The following SLIT3 variants were observed in gnomAD, a reference collection of about 807,000 sequenced individuals.
The protein encoded by SLIT3 is slit homolog 3 protein.
SLIT3 carries 68 observed loss-of-function variants against 184.0 expected under a neutral mutation model. The observed-to-expected ratio is 0.37, with a 90% CI of 0.30 to 0.45. SLIT3 has a LOEUF of 0.45. SLIT3 is among the 20% of genes least tolerant of loss of function. The probability of loss-of-function intolerance (pLI) is 1.00; values close to 1 mark genes in which losing one functional copy is unlikely to be tolerated. For missense variants in SLIT3, 1,707 were observed against 2,026.0 expected, an observed-to-expected ratio of 0.84 and a Z score of 3.02; for synonymous variants, 831 against 828.6, an observed-to-expected ratio of 1.00 and a Z score of -0.05.
intron 3 of SLIT3, among the ~76,000 whole-genome samples, chr5:169,201,134 G>T (rs559719281): frequency 7.4e-4 from 113 of 152,260 alleles, no homozygotes; most frequent in Non-Finnish European, 1.4e-3. Flanking sequence ...GTCTTCCATG[G>T]TATTCAGTAT....
At chr5:168,884,732 T>TA (rs1760127133) in intron 4 of SLIT3, among the ~76,000 whole-genome samples, 1 of 151,788 alleles carries the variant, frequency 6.6e-6, no homozygotes, top group Non-Finnish European at 1.5e-5. Flanking sequence ...TGAGTGGCTA[T>TA]ATGGGTCCCA....
rs577957746 is a variant in SLIT3 at position 168,789,313 on chromosome 5, A to T, written c.1079+247T>A. 7.2e-5 allele frequency among the ~76,000 whole-genome samples: 11 copies of T among 152,190 alleles called. No homozygotes were observed. The South Asian group carries it at 2.3e-3, about 32-fold the overall frequency. On this transcript the variant is annotated intron_variant, in intron 11 of 35. Transcript: ENST00000519560. ...AGGTTGGAGTAGAAGATGCATTCGA[A>T]TTAGAAGCCAATAACTGGGAAAGCT...
intron 1 of SLIT3, among the ~76,000 whole-genome samples, chr5:169,281,347 G>C (rs886413328): frequency 6.6e-6 from 1 of 152,112 alleles, no homozygotes; most frequent in Non-Finnish European, 1.5e-5. Context: ...GTGGTGACGG[G>C]TGCCTGTAAT....
At chr5:169,229,094 G>A (rs780422291) in intron 3 of SLIT3, among the ~76,000 whole-genome samples, 1 of 152,170 alleles carries the variant, frequency 6.6e-6, no homozygotes, top group Non-Finnish European at 1.5e-5. Context: ...GAGAGACAGA[G>A]ACAGAGAGAG....
chr5:169,130,869 A>G (rs1408203168), intron 4 of SLIT3, among the ~76,000 whole-genome samples: 1 of 152,222 alleles, frequency 6.6e-6, no homozygotes, highest in Non-Finnish European at 1.5e-5. Context: ...TGAAAAATGC[A>G]TGCTACAGAA....
intron 4 of SLIT3, among the ~76,000 whole-genome samples, chr5:169,007,754 A>G (rs1176450182): frequency 6.6e-6 from 1 of 152,194 alleles, no homozygotes; most frequent in Non-Finnish European, 1.5e-5. Context: ...GCCTTTAACT[A>G]ATGCAGTTAT....
chr5:168,956,681 T>A (rs1486550004), intron 4 of SLIT3, among the ~76,000 whole-genome samples: 1 of 151,348 alleles, frequency 6.6e-6, no homozygotes, highest in Non-Finnish European at 1.5e-5. Context: ...GTAGTCCAGC[T>A]GCTTGGGAGG....
At chr5:168,670,475 T>A (rs890452114) in intron 34 of SLIT3, among the ~76,000 whole-genome samples, 1 of 152,058 alleles carries the variant, frequency 6.6e-6, no homozygotes, top group Non-Finnish European at 1.5e-5. Flanking sequence ...ATTTCACCCA[T>A]GGAAAAAAAT....
chr5:169,200,742 A>G (rs1373495778), intron 3 of SLIT3, among the ~76,000 whole-genome samples: 1 of 152,224 alleles, frequency 6.6e-6, no homozygotes, highest in East Asian at 1.9e-4. Context: ...TACTGTAGTC[A>G]CTGAAGGCCT....
chr5:169,093,459 G>A (rs1407855679), intron 4 of SLIT3, among the ~76,000 whole-genome samples: 1 of 151,948 alleles, frequency 6.6e-6, no homozygotes, highest in East Asian at 1.9e-4. Context: ...TGAGGTCCTG[G>A]GGCAGGGGCT....
intron 4 of SLIT3, among the ~76,000 whole-genome samples, chr5:169,108,748 C>G (rs987535505): frequency 6.6e-6 from 1 of 152,192 alleles, no homozygotes; most frequent in East Asian, 1.9e-4. Context: ...ACCTCCCCCT[C>G]ATTGCACACT....
intron 4 of SLIT3, among the ~76,000 whole-genome samples, chr5:168,890,053 T>C (rs980019280): frequency 2.0e-5 from 3 of 147,064 alleles, no homozygotes; most frequent in African/African-American, 7.6e-5. Context: ...GGCAGGAGAA[T>C]GGCTTGAACC....
intron 5 of SLIT3, among the ~76,000 whole-genome samples, chr5:168,861,180 A>G (rs1056503685): frequency 3.8e-4 from 58 of 152,304 alleles, no homozygotes; most frequent in African/African-American, 1.4e-3. Context: ...ATATGTATAC[A>G]TGTGCCATGT....
intron 5 of SLIT3, among the ~76,000 whole-genome samples, chr5:168,876,435 C>T (rs1234674883): frequency 2.0e-5 from 3 of 152,188 alleles, no homozygotes; most frequent in Non-Finnish European, 2.9e-5. Flanking sequence ...CCTTCCTGCA[C>T]CTCCCCATCT....
At chr5:169,155,079 G>A (rs1199953129) in intron 4 of SLIT3, among the ~76,000 whole-genome samples, 1 of 152,220 alleles carries the variant, frequency 6.6e-6, no homozygotes, top group East Asian at 1.9e-4. Context: ...CCAAGACCTG[G>A]TTAAAGTAAT....
intron 1 of SLIT3, among the ~76,000 whole-genome samples, chr5:169,258,026 G>A (rs1277138904): frequency 1.3e-5 from 2 of 152,284 alleles, no homozygotes; most frequent in South Asian, 2.1e-4. Flanking sequence ...AATCCAGACA[G>A]CAACCATATA....
chr5:169,050,563 G>C (rs1757779765), intron 4 of SLIT3, among the ~76,000 whole-genome samples: 3 of 152,154 alleles, frequency 2.0e-5, no homozygotes, highest in Admixed American at 6.5e-5. Context: ...ATTGGAATGT[G>C]GTGAGCAGCA....
chr5:168,964,389 T>C (rs1763112021), intron 4 of SLIT3, among the ~76,000 whole-genome samples: 6 of 152,220 alleles, frequency 3.9e-5, no homozygotes, highest in Admixed American at 3.9e-4. Context: ...CCATGGGAGA[T>C]AAGAGAGAGG....
At chr5:169,053,008 C>T (rs1331612154) in intron 4 of SLIT3, among the ~76,000 whole-genome samples, 1 of 152,182 alleles carries the variant, frequency 6.6e-6, no homozygotes, top group Non-Finnish European at 1.5e-5. Context: ...AGAGGTTGAG[C>T]TATCGGCACC....
Sources: allele counts gnomAD v4.1 joint callset (sites outside exome capture counted in the v4.1 genomes callset), GRCh38; gene constraint gnomAD v4.1.1; transcripts MANE v1.5; gene names NCBI Gene and HGNC (gene_info 2026-07-23, HGNC 2026-07-21).